CSF3: variants seen among roughly 807,000 people sequenced by gnomAD.
CSF3 encodes colony stimulating factor 3, also known as granulocyte colony-stimulating factor.
CSF3 carries 17 observed loss-of-function variants against 20.2 expected under a neutral mutation model. The observed-to-expected ratio is 0.84, with a 90% confidence interval of 0.58 to 1.26. CSF3 has a LOEUF of 1.26. CSF3 is among the 50% of genes most tolerant of loss of function. The probability of loss-of-function intolerance (pLI) is 0.00; values close to 1 mark genes in which losing one functional copy is unlikely to be tolerated. For missense variants in CSF3, 210 were observed against 256.0 expected (o/e 0.82, Z 1.23); for synonymous variants, 125 against 115.3 (o/e 1.08, Z -0.54).
chr17:40,015,593 TC>T (rs1981325124), intron 1 of CSF3, 79 bp downstream of exon 1: 6 of 1,547,150 alleles, frequency 3.9e-6, no homozygotes, highest in Non-Finnish European at 5.2e-6. Flanking sequence ...GGGCTGGGGA[TC>T]CCCGTTCTGG....
rs1255918382 is a variant in CSF3 at position 40,015,676 on chromosome 17, C to A, written c.41-15C>A. 7 of 1,570,894 alleles carry A rather than the reference C, an allele frequency of 4.5e-6. No homozygotes were observed. The highest frequency in any genetic ancestry group is 6.1e-6 in the Non-Finnish European group (7 of 1,155,380). On this transcript the variant is annotated splice_polypyrimidine_tract_variant and intron_variant, in intron 1 of 4. Coordinates refer to ENST00000394149, the MANE Select transcript of CSF3 (RefSeq NM_172219.3). ...GTAGGGAACAGCATGTCTCCTGAGC[C>A]CGCTCTGTCCCCAGCCCTGCAGCTG...
chr17:40,016,859 C>G lies in CSF3; in HGVS notation c.515C>G (p.Ser172Cys), dbSNP rs763688260. The G allele has an allele frequency of 6.2e-7, 1 of 1,613,592 alleles. No homozygotes were observed. Residue 172 changes from serine (S) to cysteine (C), a missense_variant, in exon 5 of 5, where the codon TCT (serine) becomes TGT (cysteine). Transcript: ENST00000394149. Reference protein sequence around the residue: ...PTQGAMPAFASAFQRRAGGVL... With the variant: ...PTQGAMPAFACAFQRRAGGVL... ...CAGGGTGCCATGCCGGCCTTCGCCT[C>G]TGCTTTCCAGCGCCGGGCAGGAGGG...
chr17:40,017,131 C>G lies in CSF3; in HGVS notation c.*172C>G. On this transcript the variant is annotated 3_prime_UTR_variant, in exon 5 of 5. Coordinates refer to ENST00000394149, the MANE Select transcript of CSF3 (RefSeq NM_172219.3). ...GCAGTGAGAAAAAGCTCCTGTCCTC[C>G]CATCCCCTGGACTGGGAGGTAGATA... is the stretch of plus-strand genomic sequence containing the variant. The G allele has an allele frequency of 1.7e-6, 1 of 597,996 alleles. No individual in the cohort carries two copies. The highest frequency in any genetic ancestry group is 2.8e-6 in the Non-Finnish European group (1 of 361,184). The allele number at this position is 597,996 out of a possible 1,614,324, so 37.0% of individuals were successfully genotyped here. A position where few individuals can be genotyped will look rare whatever the true frequency, so the allele number is the denominator to read the frequency against.
rs973343180 is a variant in CSF3 at position 40,016,961 on chromosome 17, C to T, written c.*2C>T. The T allele has an allele frequency of 1.3e-6, 2 of 1,562,798 alleles. No individual in the cohort carries two copies. The highest frequency in any genetic ancestry group is 1.4e-5 in the African/African-American group (1 of 72,952). On this transcript the variant is annotated 3_prime_UTR_variant, in exon 5 of 5. Coordinates refer to ENST00000394149, the MANE Select transcript of CSF3 (RefSeq NM_172219.3). ...CTACGCCACCTTGCCCAGCCCTGAG[C>T]CAAGCCCTCCCCATCCCATGTATTT...
chr17:40,016,509 A>G lies in CSF3; in HGVS notation c.328A>G (p.Ser110Gly). ...QLAGCLSQLH[S>G]GLFLYQGLLQ... ...GGCAGGCTGCTTGAGCCAACTCCAT[A>G]GCGGCCTTTTCCTCTACCAGGGGCT... The change falls in exon 4 of 5, where the codon AGC becomes GGC. Residue 110 changes from serine (S) to glycine (G), a missense_variant. Coordinates refer to ENST00000394149, the MANE Select transcript of CSF3 (RefSeq NM_172219.3). 1.9e-6 allele frequency: 3 copies of G among 1,614,108 alleles called. 1 individual carries two copies. The highest frequency in any genetic ancestry group is 2.5e-6 in the Non-Finnish European group (3 of 1,180,006).
intron 3 of CSF3, 69 bp downstream of exon 3, chr17:40,016,409 C>G: frequency 6.2e-7 from 1 of 1,606,094 alleles, no homozygotes; most frequent in Non-Finnish European, 8.5e-7. Flanking sequence ...TGGGCTCCCC[C>G]ATGTCTCCAG....
In CSF3 at chr17:40,016,602, G is replaced by A. The variant is rs749415034; in HGVS notation, c.421G>A (p.Ala141Thr). 27 of 1,613,992 alleles carry A rather than the reference G, an allele frequency of 1.7e-5. No individual in the cohort carries two copies. The Middle Eastern group carries it at 4.9e-4, about 29-fold the overall frequency. The change falls in exon 4 of 5, where the codon GCC becomes ACC. Residue 141 changes from alanine to threonine, a missense_variant. Physicochemically the swap from Ala to Thr is moderately conservative, Grantham distance 58. Transcript: ENST00000394149. The stretch of plus-strand genomic sequence containing the variant: ...CTTGGACACACTGCAGCTGGACGTC[G>A]CCGACTTTGCCACCACCATCTGGCA... ...PTLDTLQLDV[A>T]DFATTIWQQM...
intron 1 of CSF3, 36 bp downstream of exon 1, chr17:40,015,550 C>T: frequency 1.9e-6 from 3 of 1,550,552 alleles, no homozygotes; most frequent in Non-Finnish European, 2.6e-6. Context: ...GAGCCGCCTG[C>T]CCTGGCATGG....
Position 40,016,467 on chromosome 17 carries a change from T to C in CSF3, c.304-18T>C, listed in dbSNP as rs749855586. The C allele has an allele frequency of 2.5e-6, 4 of 1,614,030 alleles. No homozygotes were observed. Among genetic ancestry groups the C allele is most frequent in the South Asian group, 1.1e-5 (1 of 91,070 alleles). ...TATCTCAGGCAGCACCCCCTAACTC[T>C]TCCGCTCTGTCTCACAGGCAGGCTG... On this transcript the variant is annotated intron_variant, in intron 3 of 4. Transcript: ENST00000394149.
At position 40,016,976 on chromosome 17, in the gene CSF3, C is replaced by A; in HGVS notation, c.*17C>A. On this transcript the variant is annotated 3_prime_UTR_variant, in exon 5 of 5. Transcript: ENST00000394149. ...CAGCCCTGAGCCAAGCCCTCCCCAT[C>A]CCATGTATTTATCTCTATTTAATAT... 1 of 1,539,504 alleles carries A rather than the reference C, an allele frequency of 6.5e-7. No homozygotes were observed. Among genetic ancestry groups the A allele is most frequent in the Admixed American group, 2.1e-5 (1 of 47,096 alleles).
At chr17:40,016,029 G>A in intron 2 of CSF3, 184 bp downstream of exon 2, 1 of 976,046 alleles carries the variant, frequency 1.0e-6, no homozygotes, top group Non-Finnish European at 1.5e-6. Flanking sequence ...CGGGAGGGCT[G>A]GCTGGGATGG....
intron 4 of CSF3, 64 bp downstream of exon 4, chr17:40,016,695 G>C: frequency 6.2e-7 from 1 of 1,607,426 alleles, no homozygotes; most frequent in Non-Finnish European, 8.5e-7. Flanking sequence ...AGCCAGGCCT[G>C]TGTATGGGCC....
chr17:40,016,987 ATCTC>A lies in CSF3; in HGVS notation c.*30_*33del. On this transcript the variant is annotated 3_prime_UTR_variant, in exon 5 of 5. Coordinates refer to ENST00000394149, the MANE Select transcript of CSF3 (RefSeq NM_172219.3). ...CAAGCCCTCCCCATCCCATGTATTT[ATCTC>A]TATTTAATATTTATGTCTATTTAAG... is the stretch of plus-strand genomic sequence containing the variant. 6.6e-7 allele frequency: 1 copy of A among 1,523,116 alleles called. No individual in the cohort carries two copies. The highest frequency in any genetic ancestry group is 8.8e-7 in the Non-Finnish European group (1 of 1,136,998). The allele number at this position is 1,523,116 out of a possible 1,614,324, so 94.4% of individuals were successfully genotyped here. A position where few individuals can be genotyped will look rare whatever the true frequency, so the allele number is the denominator to read the frequency against.
At position 40,015,821 on chromosome 17, in the gene CSF3, T is replaced by A. The variant is rs1230540965; in HGVS notation, c.171T>A (p.Asp57Glu). The A allele has an allele frequency of 6.2e-7, 1 of 1,610,232 alleles. No homozygotes were observed. The highest frequency in any genetic ancestry group is 1.3e-5 in the African/African-American group (1 of 74,864). Residue 57 changes from aspartate to glutamate, a missense_variant, in exon 2 of 5, where the codon GAT (aspartate) becomes GAA (glutamate). Asp to Glu is a conservative substitution (Grantham distance 45). Transcript: ENST00000394149. ...AGCAAGTGAGGAAGATCCAGGGCGA[T>A]GGCGCAGCGCTCCAGGAGAAGCTGG... ...CLEQVRKIQG[D>E]GAALQEKLCA...
At chr17:40,016,372 G>A (rs1239480254) in intron 3 of CSF3, 32 bp downstream of exon 3, 4 of 1,607,760 alleles carry the variant, frequency 2.5e-6, no homozygotes, top group East Asian at 4.5e-5. Context: ...GGCTAATGAG[G>A]AGGGGGAAGG....
At chr17:40,016,063 G>A in intron 2 of CSF3, 170 bp from the exon 3 acceptor site, 1 of 836,786 alleles carries the variant, frequency 1.2e-6, no homozygotes, top group Non-Finnish European at 1.8e-6. Flanking sequence ...ACATTCAGGA[G>A]AAAGGGCAAG....
Position 40,016,967 on chromosome 17 carries a change from C to T in CSF3, c.*8C>T, listed in dbSNP as rs767395034. On this transcript the variant is annotated 3_prime_UTR_variant, in exon 5 of 5. Coordinates refer to ENST00000394149, the MANE Select transcript of CSF3 (RefSeq NM_172219.3). ...CACCTTGCCCAGCCCTGAGCCAAGC[C>T]CTCCCCATCCCATGTATTTATCTCT... 3.2e-6 allele frequency: 5 copies of T among 1,548,750 alleles called. No individual in the cohort carries two copies. The East Asian group carries it at 1.1e-4, about 35-fold the overall frequency.
Position 40,016,788 on chromosome 17 carries a change from C to T in CSF3, c.451-7C>T, listed in dbSNP as rs778070313. ...GCCCAACCACTGATCACAGCTTTCC[C>T]CCACAGATGGAAGAACTGGGAATGG... On this transcript the variant is annotated splice_region_variant and splice_polypyrimidine_tract_variant and intron_variant, in intron 4 of 4. Coordinates refer to ENST00000394149, the MANE Select transcript of CSF3 (RefSeq NM_172219.3). 3 of 1,612,914 alleles carry T rather than the reference C, an allele frequency of 1.9e-6. No individual in the cohort carries two copies. The highest frequency in any genetic ancestry group is 2.5e-6 in the Non-Finnish European group (3 of 1,180,020).
chr17:40,017,108 A>C lies in CSF3; in HGVS notation c.*149A>C. The C allele has an allele frequency of 1.4e-6, 1 of 726,654 alleles. No individual in the cohort carries two copies. Among genetic ancestry groups the C allele is most frequent in the Non-Finnish European group, 2.1e-6 (1 of 474,990 alleles). 45.0% of individuals were successfully genotyped at this position (726,654 alleles called of 1,614,324 possible). A position where few individuals can be genotyped will look rare whatever the true frequency, so the allele number is the denominator to read the frequency against. On this transcript the variant is annotated 3_prime_UTR_variant, in exon 5 of 5. Coordinates refer to ENST00000394149, the MANE Select transcript of CSF3 (RefSeq NM_172219.3). Reference sequence around the variant, plus strand: ...TGAGTTTCATTCTCCTGCCTGTAGCAGTGAGAAAAAGCTCCTGTCCTCCCA... The same window carrying C: ...TGAGTTTCATTCTCCTGCCTGTAGCCGTGAGAAAAAGCTCCTGTCCTCCCA...
Sources: gnomAD v4.1 joint callset for allele counts on GRCh38, gnomAD v4.1.1 for gene constraint, MANE v1.5 for transcripts, NCBI Gene and HGNC (gene_info 2026-07-23, HGNC 2026-07-21) for gene names.